Variants in CD44 observed in about 807,000 individuals in gnomAD.
CD44 encodes the protein CD44 antigen.
CD44 carries 49 observed loss-of-function variants against 88.8 expected under a neutral mutation model. The observed-to-expected ratio is 0.55, with a 90% CI of 0.44 to 0.70. The LOEUF is 0.70. Among genes scored for constraint, CD44 ranks in the 30% least tolerant of loss-of-function variants. The pLI is 0.00. For synonymous variants in CD44, 325 were observed against 312.3 expected (o/e 1.04, Z -0.43); for missense variants, 883 against 913.8 (o/e 0.97, Z 0.43).
chr11:35,159,449 G>A (rs1250806066), intron 1 of CD44, among the ~76,000 whole-genome samples: 1 of 152,150 alleles, frequency 6.6e-6, no homozygotes, highest in Non-Finnish European at 1.5e-5. Context: ...GATTATCAAA[G>A]TGCAGATGAT....
chr11:35,209,818 A>G (rs912464245), intron 12 of CD44, 147 bp from the exon 13 acceptor site: 11 of 584,426 alleles, frequency 1.9e-5, no homozygotes, highest in Non-Finnish European at 3.0e-6. Context: ...ATTTCTATCA[A>G]TCAGAGGAGA....
chr11:35,187,119 A>G (rs1348101996), intron 4 of CD44, among the ~76,000 whole-genome samples: 5 of 151,770 alleles, frequency 3.3e-5, no homozygotes, highest in Non-Finnish European at 5.9e-5. Context: ...CTAAAAATAC[A>G]AAAAATTAGC....
chr11:35,198,526 C>T, intron 7 of CD44: 1 of 376,706 alleles, frequency 2.7e-6, no homozygotes, highest in Non-Finnish European at 4.8e-6. Context: ...CAGGCTTTAT[C>T]AGAGAATGAC....
intron 7 of CD44, among the ~76,000 whole-genome samples, chr11:35,199,084 G>T (rs1424158249): frequency 6.6e-6 from 1 of 152,066 alleles, no homozygotes; most frequent in Non-Finnish European, 1.5e-5. Context: ...GAGGTCAAAG[G>T]AACAAATCCA....
At chr11:35,174,746 T>C (rs1944273371) in intron 1 of CD44, among the ~76,000 whole-genome samples, 1 of 152,244 alleles carries the variant, frequency 6.6e-6, no homozygotes, top group South Asian at 2.1e-4. Context: ...CGACAGGCTT[T>C]TGGTCTGCCA....
At chr11:35,159,174 A>G (rs191970655) in intron 1 of CD44, among the ~76,000 whole-genome samples, 30 of 152,324 alleles carry the variant, frequency 2.0e-4, no homozygotes, top group African/African-American at 6.3e-4. Flanking sequence ...TTGGTTGCCA[A>G]TGAGGTGCCA....
intron 1 of CD44, among the ~76,000 whole-genome samples, chr11:35,165,147 C>T (rs190671395): frequency 1.3e-3 from 204 of 152,210 alleles, no homozygotes; most frequent in African/African-American, 4.3e-3. Context: ...CACTCCAGCC[C>T]CCATTAGCTC....
At chr11:35,216,864 G>A (rs1441346103) in intron 15 of CD44, among the ~76,000 whole-genome samples, 1 of 152,176 alleles carries the variant, frequency 6.6e-6, no homozygotes, top group Non-Finnish European at 1.5e-5. Context: ...ATCAGGATCT[G>A]CATTTTAACT....
chr11:35,149,630 A>G (rs754512931), intron 1 of CD44, among the ~76,000 whole-genome samples: 5 of 152,224 alleles, frequency 3.3e-5, no homozygotes, highest in Non-Finnish European at 5.9e-5. Flanking sequence ...CATGTGTAAA[A>G]TGCGAGGGTT....
chr11:35,183,942 GC>G (rs1343921359), intron 3 of CD44, among the ~76,000 whole-genome samples: 1 of 152,164 alleles, frequency 6.6e-6, no homozygotes, highest in Non-Finnish European at 1.5e-5. Context: ...TGAAGAGGGT[GC>G]CTTTCTATCT....
Position 35,197,625 on chromosome 11 carries a change from C to T in CD44, c.797-496C>T, listed in dbSNP as rs16927067. 859 of 151,094 alleles carry T rather than the reference C, an allele frequency of 5.7e-3. 11 individuals carry two copies. The highest frequency in any genetic ancestry group is 0.02 in the African/African-American group (821 of 40,302). 9.4% of individuals were successfully genotyped at this position (151,094 alleles called of 1,614,324 possible). A position where few individuals can be genotyped will look rare whatever the true frequency, so the allele number is the denominator to read the frequency against. ...GGAGGTACACTGATCTGATCTGATA[C>T]TAGAGAAGATAAAAAATGAATTAGC... On this transcript the variant is annotated intron_variant, in intron 6 of 17. Transcript: ENST00000428726.
chr11:35,199,636 A>G (rs1025473408), intron 7 of CD44, among the ~76,000 whole-genome samples: 20 of 147,872 alleles, frequency 1.4e-4, no homozygotes, highest in African/African-American at 4.9e-4. Flanking sequence ...AGAATTTTCT[A>G]TCTAAACTTT....
At chr11:35,222,601 AT>A in intron 17 of CD44, 1 of 484,552 alleles carries the variant, frequency 2.1e-6, no homozygotes, top group Non-Finnish European at 2.6e-6. Context: ...TATATATAAT[AT>A]ATATATATAT....
At chr11:35,175,051 A>G (rs1269189483) in intron 1 of CD44, among the ~76,000 whole-genome samples, 1 of 152,206 alleles carries the variant, frequency 6.6e-6, no homozygotes, top group African/African-American at 2.4e-5. Context: ...AAGTGAGGTG[A>G]CGTGGAGTTA....
At chr11:35,167,237 A>G (rs1472197384) in intron 1 of CD44, among the ~76,000 whole-genome samples, 4 of 151,864 alleles carry the variant, frequency 2.6e-5, no homozygotes, top group African/African-American at 7.3e-5. Context: ...ATCTGCAATT[A>G]TGAACCACTG....
intron 1 of CD44, 135 bp from the exon 2 acceptor site, chr11:35,176,440 A>T: frequency 1.5e-6 from 1 of 669,748 alleles, no homozygotes; most frequent in Non-Finnish European, 2.4e-6. Flanking sequence ...GGCCTCCCAA[A>T]GTGCTGGGAT....
chr11:35,225,959 C>T (rs1949668636), intron 17 of CD44, among the ~76,000 whole-genome samples: 1 of 152,218 alleles, frequency 6.6e-6, no homozygotes, highest in African/African-American at 2.4e-5. Context: ...AATGAAGAAG[C>T]TGGGCTAGAT....
At chr11:35,158,514 C>T (rs1035297835) in intron 1 of CD44, among the ~76,000 whole-genome samples, 7 of 152,174 alleles carry the variant, frequency 4.6e-5, no homozygotes, top group Admixed American at 3.9e-4. Context: ...CTGACGCGAT[C>T]ACAGACTTGA....
chr11:35,161,580 CTGAT>C (rs1942622846), intron 1 of CD44, among the ~76,000 whole-genome samples: 1 of 152,152 alleles, frequency 6.6e-6, no homozygotes, highest in Non-Finnish European at 1.5e-5. Flanking sequence ...CTGTAAGTCT[CTGAT>C]TGGATTTTGC....
Sources: allele counts gnomAD v4.1 joint callset (sites outside exome capture counted in the v4.1 genomes callset), GRCh38; gene constraint gnomAD v4.1.1; transcripts MANE v1.5; gene names NCBI Gene and HGNC (gene_info 2026-07-23, HGNC 2026-07-21).